PRKCH: variants seen among roughly 807,000 people sequenced by gnomAD.
The protein encoded by PRKCH is protein kinase C eta type.
A neutral mutation model predicts 82.5 loss-of-function variants in PRKCH; 28 were observed. The ratio of observed to expected loss-of-function variants is 0.34; its 90% CI spans 0.25 to 0.47. PRKCH has a LOEUF of 0.47. Among genes scored for constraint, PRKCH ranks in the 20% least tolerant of loss-of-function variants. PRKCH has a pLI of 1.00. For synonymous variants in PRKCH, 322 were observed against 327.4 expected (o/e 0.98, Z 0.18); for missense variants, 705 against 881.8 (o/e 0.80, Z 2.54).
intron 1 of PRKCH, among the ~76,000 whole-genome samples, chr14:61,253,984 T>G (rs898615072): frequency 2.7e-5 from 1 of 36,654 alleles, no homozygotes; most frequent in African/African-American, 1.0e-4. Context: ...CCCTCCTCCC[T>G]CCCTCCCTCC....
At chr14:61,457,450 C>T (rs1404245468) in intron 8 of PRKCH, 56 bp from the exon 9 acceptor site, 5 of 1,596,556 alleles carry the variant, frequency 3.1e-6, no homozygotes, top group African/African-American at 2.7e-5. Context: ...TGTGTGCACA[C>T]ACCCTAAGAC....
rs2043308638 is a variant in PRKCH, at chr14:61,550,179, A to G, written c.*348A>G. 2.1e-5 allele frequency: 4 copies of G among 190,262 alleles called. No homozygotes were observed. Among genetic ancestry groups the G allele is most frequent in the Admixed American group, 1.1e-4 (2 of 18,448 alleles). 11.8% of individuals were successfully genotyped at this position (190,262 alleles called of 1,614,324 possible). A position where few individuals can be genotyped will look rare whatever the true frequency, so the allele number is the denominator to read the frequency against. On this transcript the variant is annotated 3_prime_UTR_variant, in exon 14 of 14. Transcript: ENST00000332981. ...AAATTCTGAGCCAATCAGGCTTCTTAATTCAAGAGACAAACCAAGACGTTC... is the reference window on the plus strand; with the variant it reads ...AAATTCTGAGCCAATCAGGCTTCTTGATTCAAGAGACAAACCAAGACGTTC...
intron 1 of PRKCH, among the ~76,000 whole-genome samples, chr14:61,338,093 A>T (rs1341352865): frequency 6.6e-6 from 1 of 152,186 alleles, no homozygotes; most frequent in East Asian, 1.9e-4. Flanking sequence ...AGTGAATGAG[A>T]ATGTGTTTGT....
At chr14:61,233,335 G>C (rs1254889988) in intron 1 of PRKCH, among the ~76,000 whole-genome samples, 1 of 151,408 alleles carries the variant, frequency 6.6e-6, no homozygotes, top group Non-Finnish European at 1.5e-5. Context: ...AGGCTGCAGT[G>C]AGCCATAATC....
intron 1 of PRKCH, among the ~76,000 whole-genome samples, chr14:61,210,475 G>A (rs1369580038): frequency 1.3e-5 from 2 of 151,956 alleles, no homozygotes; most frequent in South Asian, 4.2e-4. Flanking sequence ...CAAATTACCT[G>A]GGGCCCTGGT....
At chr14:61,472,445 T>A (rs1885546261) in intron 9 of PRKCH, among the ~76,000 whole-genome samples, 1 of 152,174 alleles carries the variant, frequency 6.6e-6, no homozygotes, top group East Asian at 1.9e-4. Context: ...AAACAGATAA[T>A]CAGAGTTTTG....
At chr14:61,373,719 G>C (rs535361895) in intron 1 of PRKCH, among the ~76,000 whole-genome samples, 7 of 152,202 alleles carry the variant, frequency 4.6e-5, no homozygotes, top group East Asian at 1.9e-4. Context: ...TTCTGCCTCA[G>C]CCTCCTGAGT....
At chr14:61,286,525 C>T (rs2045315041) in intron 1 of PRKCH, among the ~76,000 whole-genome samples, 1 of 152,164 alleles carries the variant, frequency 6.6e-6, no homozygotes. Flanking sequence ...ACCTGTAATC[C>T]CAGCACTTTG....
chr14:61,263,781 A>G (rs2045070821), intron 1 of PRKCH, among the ~76,000 whole-genome samples: 1 of 151,970 alleles, frequency 6.6e-6, no homozygotes, highest in Non-Finnish European at 1.5e-5. Flanking sequence ...TTCAAGGGTC[A>G]AGTCCTCTAA....
Position 61,457,227 on chromosome 14 carries a change from G to A in PRKCH, c.1012G>A (p.Glu338Lys), listed in dbSNP as rs150191112. 30 of 1,614,224 alleles carry A rather than the reference G, an allele frequency of 1.9e-5. No individual in the cohort carries two copies. In the African/African-American group the frequency reaches 3.9e-4, roughly 21 times the overall value. Residue 338 changes from glutamate to lysine, a missense_variant, in exon 8 of 14, where the codon GAA becomes AAA. Physicochemically the swap from Glu to Lys is moderately conservative, Grantham distance 56. Around this residue, in one of 5 missense-constraint regions of PRKCH, gnomAD observed 238 missense variants for 258.1 expected, o/e 0.92. Transcript: ENST00000332981. Reference protein sequence around the residue: ...LRRQGKESSKEGNGIGVNSSN... With the variant: ...LRRQGKESSKKGNGIGVNSSN... ...ACGACAGGGAAAGGAGAGCAGCAAA[G>A]AAGGAAATGGGATTGGGGTTAATTC...
At chr14:61,415,956 G>A (rs1157022477) in intron 2 of PRKCH, among the ~76,000 whole-genome samples, 1 of 151,840 alleles carries the variant, frequency 6.6e-6, no homozygotes, top group Non-Finnish European at 1.5e-5. Context: ...TTTGTGATTG[G>A]CTTGTTTTGC....
chr14:61,549,760 G>A lies in PRKCH; in HGVS notation c.1981G>A (p.Gly661Arg), dbSNP rs2043303603. The A allele has an allele frequency of 6.2e-7, 1 of 1,613,818 alleles. No individual in the cohort carries two copies. Among genetic ancestry groups the A allele is most frequent in the Non-Finnish European group, 8.5e-7 (1 of 1,179,916 alleles). The change falls in exon 14 of 14, where the codon GGA becomes AGA. Residue 661 changes from glycine to arginine, a missense_variant. Coordinates refer to ENST00000332981, the MANE Select transcript of PRKCH (RefSeq NM_006255.5). ...EEPVLTPIDE[G>R]HLPMINQDEF... Reference sequence around the variant, plus strand: ...GCCAGTTTTAACTCCAATTGATGAGGGACATCTTCCAATGATTAACCAGGA... The same window carrying A: ...GCCAGTTTTAACTCCAATTGATGAGAGACATCTTCCAATGATTAACCAGGA...
chr14:61,515,207 T>C (rs1420169015), intron 10 of PRKCH, among the ~76,000 whole-genome samples: 1 of 152,210 alleles, frequency 6.6e-6, no homozygotes, highest in Non-Finnish European at 1.5e-5. Flanking sequence ...TACAGTTGAA[T>C]TTTATTTGAT....
intron 1 of PRKCH, among the ~76,000 whole-genome samples, chr14:61,386,785 A>G (rs372093404): frequency 1.3e-5 from 2 of 152,200 alleles, no homozygotes; most frequent in African/African-American, 4.8e-5. Flanking sequence ...GATAGCACGG[A>G]TGTTAGAAGG....
chr14:61,504,215 G>A (rs1377493847), intron 10 of PRKCH, among the ~76,000 whole-genome samples: 2 of 151,400 alleles, frequency 1.3e-5, no homozygotes, highest in Non-Finnish European at 2.9e-5. Flanking sequence ...TCTTGAGAGA[G>A]TCTCGCTCTG....
At chr14:61,475,844 T>A (rs995807533) in intron 9 of PRKCH, among the ~76,000 whole-genome samples, 1 of 152,208 alleles carries the variant, frequency 6.6e-6, no homozygotes, top group Non-Finnish European at 1.5e-5. Flanking sequence ...AAACTTCTTA[T>A]TTGCCCTGAA....
intron 1 of PRKCH, among the ~76,000 whole-genome samples, chr14:61,365,493 GGGAAAAT>G (rs2046286931): frequency 1.3e-5 from 2 of 152,070 alleles, no homozygotes; most frequent in Admixed American, 1.3e-4. Flanking sequence ...CAAGTGTAGA[GGGAAAAT>G]GTATTTCACG....
At chr14:61,334,695 C>T (rs909184212) in intron 1 of PRKCH, among the ~76,000 whole-genome samples, 3 of 152,062 alleles carry the variant, frequency 2.0e-5, no homozygotes, top group South Asian at 2.1e-4. Flanking sequence ...GGAGTGTGAA[C>T]GATGAGCAAG....
At chr14:61,261,472 G>A (rs941433264) in intron 1 of PRKCH, among the ~76,000 whole-genome samples, 1 of 152,180 alleles carries the variant, frequency 6.6e-6, no homozygotes, top group Admixed American at 6.5e-5. Flanking sequence ...TGTGGCTGCT[G>A]AGGCCAAGAG....
Sources: allele counts gnomAD v4.1 joint callset (sites outside exome capture counted in the v4.1 genomes callset), GRCh38; gene constraint gnomAD v4.1.1; regional missense constraint gnomAD v4.1.1; transcripts MANE v1.5; gene names NCBI Gene and HGNC (gene_info 2026-07-23, HGNC 2026-07-21).